The following CLNK variants were observed in gnomAD, a reference collection of about 807,000 sequenced individuals.
CLNK encodes the protein cytokine-dependent hematopoietic cell linker.
Under a neutral mutation model 68.6 loss-of-function variants are expected in CLNK, and 74 were observed. The observed-to-expected ratio is 1.08, with a 90% confidence interval of 0.89 to 1.31. CLNK has a LOEUF of 1.31. Ranked by LOEUF, CLNK falls within the 50% of genes most tolerant of loss-of-function variation. The pLI is 0.00. For missense variants in CLNK, 553 were observed against 515.3 expected, an observed-to-expected ratio of 1.07 and a Z score of -0.71; for synonymous variants, 198 against 172.2, an observed-to-expected ratio of 1.15 and a Z score of -1.17.
chr4:10,537,677 T>TC (rs1560206893), intron 11 of CLNK, among the ~76,000 whole-genome samples: 2 of 70,862 alleles, frequency 2.8e-5, no homozygotes, highest in African/African-American at 1.2e-4. Context: ...CTTTCTTTCT[T>TC]TCTTCCTTCC....
rs1442481557 is a variant in CLNK, at chr4:10,508,049, A to G, written c.907-13T>C. On this transcript the variant is annotated splice_polypyrimidine_tract_variant and intron_variant, in intron 16 of 18. Transcript: ENST00000226951. The stretch of plus-strand genomic sequence containing the variant: ...TGTGCTGGACATCCTGCAGAACAGA[A>G]TCAATGATAAATATTTTAGGGTCAA... 1 of 1,591,798 alleles carries G rather than the reference A, an allele frequency of 6.3e-7. No homozygotes were observed. Among genetic ancestry groups the G allele is most frequent in the Non-Finnish European group, 8.6e-7 (1 of 1,168,020 alleles).
chr4:10,718,765 G>T, the CLNK span, among the ~76,000 whole-genome samples: 1 of 151,976 alleles, frequency 6.6e-6, no homozygotes, highest in African/African-American at 2.4e-5. Context: ...AAACAAAATA[G>T]ATTTTTCTTG....
chr4:10,571,781 G>C lies in CLNK; in HGVS notation c.113-3C>G. The stretch of plus-strand genomic sequence containing the variant: ...CTTGTTCATCCTCTGGTACTGGCCT[G>C]CCAACACAAACAGACCGAGTGTTAT... On this transcript the variant is annotated splice_polypyrimidine_tract_variant and splice_region_variant and intron_variant, in intron 4 of 18. Coordinates refer to ENST00000226951, the MANE Select transcript of CLNK (RefSeq NM_052964.4). 6.2e-7 allele frequency: 1 copy of C among 1,611,872 alleles called. No homozygotes were observed. The highest frequency in any genetic ancestry group is 8.5e-7 in the Non-Finnish European group (1 of 1,178,206).
intron 8 of CLNK, among the ~76,000 whole-genome samples, chr4:10,547,607 T>C (rs893652569): frequency 6.6e-6 from 1 of 152,180 alleles, no homozygotes; most frequent in Non-Finnish European, 1.5e-5. Flanking sequence ...TTGTGCACCA[T>C]AACTGAAACT....
chr4:10,638,461 G>A (rs1723181535), intron 2 of CLNK, among the ~76,000 whole-genome samples: 1 of 152,182 alleles, frequency 6.6e-6, no homozygotes, highest in African/African-American at 2.4e-5. Flanking sequence ...TGATGACATG[G>A]AATTTGCCCA....
chr4:10,711,751 C>T, the CLNK span, among the ~76,000 whole-genome samples: 705 of 152,278 alleles, frequency 4.6e-3, 1 homozygote, highest in Middle Eastern at 0.01. Flanking sequence ...TCAGATCATC[C>T]ACTTTACTAA....
chr4:10,578,589 T>TTTTTTTTTTTTTTTTG (rs1720662326), intron 4 of CLNK, among the ~76,000 whole-genome samples: 1 of 135,782 alleles, frequency 7.4e-6, no homozygotes, highest in Non-Finnish European at 1.6e-5. Flanking sequence ...CTTTTTTTTT[T>TTTTTTTTTTTTTTTTG]TTTTTTTTTT....
At chr4:10,688,872 T>A (rs1577222671), upstream of CLNK, among the ~76,000 whole-genome samples, 1 of 152,280 alleles carries the variant, frequency 6.6e-6, no homozygotes, top group East Asian at 1.9e-4. Flanking sequence ...AACCTTTTAA[T>A]TTTGAAACAA....
the CLNK span, among the ~76,000 whole-genome samples, chr4:10,723,500 A>C: frequency 6.6e-6 from 1 of 152,180 alleles, no homozygotes; most frequent in Non-Finnish European, 1.5e-5. Context: ...CTTGTCTCAG[A>C]AGTGATGTGT....
At chr4:10,651,457 C>G (rs532462146) in intron 2 of CLNK, among the ~76,000 whole-genome samples, 1 of 152,284 alleles carries the variant, frequency 6.6e-6, no homozygotes, top group South Asian at 2.1e-4. Context: ...AACAGAAAAC[C>G]TAACTCCGTA....
In CLNK at chr4:10,490,553, C is replaced by A; in HGVS notation, c.1201G>T (p.Asp401Tyr). ...HYKNFPIILI[D>Y]GKDKTGVHRK... ...TGGACCCCAGTTTTATCTTTCCCAT[C>A]AATTAGTATAATGGGAAAATTCTTG... Residue 401 changes from aspartate to tyrosine, a missense_variant, in exon 19 of 19, where the codon GAT (aspartate) becomes TAT (tyrosine). Asp to Tyr is a radical substitution (Grantham distance 160). Coordinates refer to ENST00000226951, the MANE Select transcript of CLNK (RefSeq NM_052964.4). 1 of 1,601,320 alleles carries A rather than the reference C, an allele frequency of 6.2e-7. No individual in the cohort carries two copies. The highest frequency in any genetic ancestry group is 1.1e-5 in the South Asian group (1 of 88,588).
chr4:10,557,280 C>T (rs1719712517), intron 8 of CLNK, among the ~76,000 whole-genome samples: 1 of 152,086 alleles, frequency 6.6e-6, no homozygotes, highest in South Asian at 2.1e-4. Flanking sequence ...CCCTTCTCTA[C>T]CCTGCTCTCC....
At chr4:10,709,178 C>A in the CLNK span, among the ~76,000 whole-genome samples, 1 of 152,198 alleles carries the variant, frequency 6.6e-6, no homozygotes, top group East Asian at 1.9e-4. Flanking sequence ...ATGTTCTTGT[C>A]TGTAAAATAC....
intron 2 of CLNK, among the ~76,000 whole-genome samples, chr4:10,617,045 C>A (rs978591): frequency 0.69 from 105,256 of 151,640 alleles, 37,416 homozygotes; most frequent in East Asian, 0.77. Context: ...TCTTATCTTT[C>A]AAGTGGGAAC....
intron 2 of CLNK, among the ~76,000 whole-genome samples, chr4:10,666,036 A>G (rs907277366): frequency 6.6e-5 from 10 of 152,144 alleles, no homozygotes; most frequent in Non-Finnish European, 1.0e-4. Flanking sequence ...AAGAAAAGAA[A>G]ATATGGCCAG....
chr4:10,583,930 C>T (rs189317996), intron 4 of CLNK, among the ~76,000 whole-genome samples: 1 of 152,178 alleles, frequency 6.6e-6, no homozygotes, highest in East Asian at 1.9e-4. Context: ...CCAGGTACCA[C>T]CCCCTTAGAA....
At chr4:10,634,369 C>A (rs1338147393) in intron 2 of CLNK, among the ~76,000 whole-genome samples, 4 of 152,236 alleles carry the variant, frequency 2.6e-5, no homozygotes, top group African/African-American at 4.8e-5. Context: ...CACTGTTTCC[C>A]AGCTTCCCAG....
At chr4:10,605,851 A>G (rs75531288) in intron 2 of CLNK, among the ~76,000 whole-genome samples, 1 of 150,748 alleles carries the variant, frequency 6.6e-6, no homozygotes. Context: ...AATAGAAAAA[A>G]GAAAAGAAAA....
intron 7 of CLNK, among the ~76,000 whole-genome samples, chr4:10,562,194 A>G (rs1041212651): frequency 7.1e-6 from 1 of 141,452 alleles, no homozygotes; most frequent in Non-Finnish European, 1.5e-5. Flanking sequence ...TCGACCTCCC[A>G]GGCTCAAATA....
Sources: allele counts gnomAD v4.1 joint callset (sites outside exome capture counted in the v4.1 genomes callset), GRCh38; gene constraint gnomAD v4.1.1; transcripts MANE v1.5; gene names NCBI Gene and HGNC (gene_info 2026-07-23, HGNC 2026-07-21).